Variants in DOK6 observed in about 807,000 individuals in gnomAD.
DOK6 encodes downstream of tyrosine kinase 6.
A neutral mutation model predicts 44.0 loss-of-function variants in DOK6; 22 were observed. That is an observed-to-expected ratio of 0.50 (90% CI 0.36 to 0.71). The LOEUF is 0.71. Ranked by LOEUF, DOK6 falls within the 30% of genes least tolerant of loss-of-function variation. The probability of loss-of-function intolerance (pLI) is 0.00; values close to 1 mark genes in which losing one functional copy is unlikely to be tolerated. For missense variants in DOK6, 340 were observed against 416.4 expected, an observed-to-expected ratio of 0.82 and a Z score of 1.60; for synonymous variants, 166 against 145.5, an observed-to-expected ratio of 1.14 and a Z score of -1.01.
At chr18:69,641,109 G>A (rs1371216297) in intron 3 of DOK6, among the ~76,000 whole-genome samples, 5 of 151,916 alleles carry the variant, frequency 3.3e-5, no homozygotes, top group Non-Finnish European at 5.9e-5. Context: ...CCAGTTACTC[G>A]GGAGGCTGAG....
At chr18:69,815,234 G>A (rs1275406979) in intron 7 of DOK6, among the ~76,000 whole-genome samples, 1 of 152,126 alleles carries the variant, frequency 6.6e-6, no homozygotes, top group East Asian at 1.9e-4. Context: ...TCCCCTAAGG[G>A]AAAACTAAAT....
At chr18:69,612,726 G>T (rs1457486196) in intron 3 of DOK6, among the ~76,000 whole-genome samples, 1 of 152,058 alleles carries the variant, frequency 6.6e-6, no homozygotes, top group Non-Finnish European at 1.5e-5. Flanking sequence ...GCACATATTG[G>T]CTTGCTTACC....
chr18:69,578,621 TATC>T (rs1333939496), intron 2 of DOK6, among the ~76,000 whole-genome samples: 1 of 152,200 alleles, frequency 6.6e-6, no homozygotes, highest in Non-Finnish European at 1.5e-5. Context: ...TATTTCAGAG[TATC>T]ATCAGTGCAT....
chr18:69,680,530 G>C (rs1348073572), intron 4 of DOK6, among the ~76,000 whole-genome samples: 1 of 152,068 alleles, frequency 6.6e-6, no homozygotes, highest in African/African-American at 2.4e-5. Flanking sequence ...AATAATAAAA[G>C]GAATAAACAT....
At chr18:69,586,829 C>T (rs1599207416) in intron 2 of DOK6, among the ~76,000 whole-genome samples, 1 of 152,196 alleles carries the variant, frequency 6.6e-6, no homozygotes, top group African/African-American at 2.4e-5. Context: ...TGGAACTTCA[C>T]CTCCCACAGG....
intron 7 of DOK6, among the ~76,000 whole-genome samples, chr18:69,796,697 G>A (rs1370877586): frequency 2.0e-5 from 3 of 152,216 alleles, no homozygotes; most frequent in African/African-American, 4.8e-5. Flanking sequence ...ATTAGCTCGT[G>A]TGTACAAATA....
Position 69,848,486 on chromosome 18 carries a change from T to C in DOK6, c.*7103T>C, listed in dbSNP as rs917133045. ...ACTTAAAAACTAGCTGAACTACGTT[T>C]TGGGATGAGATGCAAAGCAACAGCT... On this transcript the variant is annotated 3_prime_UTR_variant, in exon 8 of 8. Coordinates refer to ENST00000382713, the MANE Select transcript of DOK6 (RefSeq NM_152721.6). The C allele has an allele frequency of 6.6e-6, 1 of 152,204 alleles. No individual in the cohort carries two copies. Among genetic ancestry groups the C allele is most frequent in the African/African-American group, 2.4e-5 (1 of 41,468 alleles). 9.4% of individuals were successfully genotyped at this position (152,204 alleles called of 1,614,324 possible).
intron 7 of DOK6, among the ~76,000 whole-genome samples, chr18:69,810,372 T>C (rs1981186725): frequency 6.6e-6 from 1 of 151,912 alleles, no homozygotes; most frequent in African/African-American, 2.4e-5. Context: ...GAAGAACACA[T>C]AGAGGAGGAG....
At chr18:69,648,542 T>C (rs1985142173) in intron 3 of DOK6, among the ~76,000 whole-genome samples, 1 of 152,204 alleles carries the variant, frequency 6.6e-6, no homozygotes, top group African/African-American at 2.4e-5. Context: ...TACTGAGAAT[T>C]TTAAAATCAT....
At chr18:69,777,542 G>GT (rs1260310944) in intron 7 of DOK6, among the ~76,000 whole-genome samples, 4 of 151,884 alleles carry the variant, frequency 2.6e-5, no homozygotes, top group African/African-American at 7.3e-5. Context: ...GCCATCCTTA[G>GT]TTTTTTTCTT....
chr18:69,573,127 A>T (rs967124879), intron 2 of DOK6, among the ~76,000 whole-genome samples: 1 of 151,824 alleles, frequency 6.6e-6, no homozygotes, highest in Non-Finnish European at 1.5e-5. Context: ...TACTTCATTC[A>T]TTCTAACAAA....
chr18:69,808,890 A>G (rs1376828866), intron 7 of DOK6, among the ~76,000 whole-genome samples: 2 of 151,818 alleles, frequency 1.3e-5, no homozygotes, highest in African/African-American at 4.8e-5. Flanking sequence ...TCATTCCCAA[A>G]CTCCTGTCAC....
At chr18:69,471,250 CAAAAAAAAA>C (rs71176969) in intron 1 of DOK6, among the ~76,000 whole-genome samples, 11 of 27,780 alleles carry the variant, frequency 4.0e-4, no homozygotes, top group South Asian at 6.8e-3. Context: ...AACTCCATCT[CAAAAAAAAA>C]AAAAAAAAAA....
chr18:69,440,753 AAC>A (rs55904998), intron 1 of DOK6, among the ~76,000 whole-genome samples: 106,479 of 149,784 alleles, frequency 0.71, 37,727 homozygotes, highest in Admixed American at 0.76. Flanking sequence ...TACACACACA[AAC>A]ACACACACAC....
At chr18:69,485,053 C>G (rs1980534615) in intron 1 of DOK6, among the ~76,000 whole-genome samples, 1 of 152,034 alleles carries the variant, frequency 6.6e-6, no homozygotes, top group Non-Finnish European at 1.5e-5. Context: ...GTTACAAATG[C>G]ATTGTAACGA....
At chr18:69,728,352 G>C (rs527722918) in intron 5 of DOK6, among the ~76,000 whole-genome samples, 1 of 152,302 alleles carries the variant, frequency 6.6e-6, no homozygotes, top group Admixed American at 6.5e-5. Context: ...CCCAGGTCCA[G>C]ATGGAACAAG....
At chr18:69,792,555 A>C (rs1047147558) in intron 7 of DOK6, among the ~76,000 whole-genome samples, 5 of 152,060 alleles carry the variant, frequency 3.3e-5, no homozygotes, top group Non-Finnish European at 5.9e-5. Flanking sequence ...ACTTTATTAC[A>C]TTTTAAATCA....
At chr18:69,518,587 A>ATT (rs5825949) in intron 1 of DOK6, among the ~76,000 whole-genome samples, 5 of 151,940 alleles carry the variant, frequency 3.3e-5, no homozygotes, top group Non-Finnish European at 5.9e-5. Flanking sequence ...TGAGTTTAGA[A>ATT]TTTTTGTATC....
intron 1 of DOK6, among the ~76,000 whole-genome samples, chr18:69,506,388 T>C (rs8097813): frequency 0.51 from 78,040 of 151,880 alleles, 20,741 homozygotes; most frequent in East Asian, 0.87. Flanking sequence ...CAAATTTCCT[T>C]ATGTCTTTTT....
Sources: gnomAD v4.1 joint callset for allele counts (sites outside exome capture counted in the v4.1 genomes callset) on GRCh38, gnomAD v4.1.1 for gene constraint, MANE v1.5 for transcripts, NCBI Gene and HGNC (gene_info 2026-07-23, HGNC 2026-07-21) for gene names.